CACNB4: variants seen among roughly 807,000 people sequenced by gnomAD.
The protein encoded by CACNB4 is calcium voltage-gated channel auxiliary subunit beta 4.
A neutral mutation model predicts 71.2 loss-of-function variants in CACNB4; 32 were observed. The observed-to-expected ratio is 0.45, with a 90% CI of 0.34 to 0.60. CACNB4 has a LOEUF of 0.60. Ranked by LOEUF, CACNB4 falls within the 20% of genes least tolerant of loss-of-function variation. The probability of loss-of-function intolerance (pLI) is 0.01; values close to 1 mark genes in which losing one functional copy is unlikely to be tolerated. For missense variants in CACNB4, 464 were observed against 647.9 expected (o/e 0.72, Z 3.08); for synonymous variants, 231 against 236.9 (o/e 0.97, Z 0.23).
At chr2:152,051,670 T>C (rs1685435855) in intron 2 of CACNB4, among the ~76,000 whole-genome samples, 1 of 152,222 alleles carries the variant, frequency 6.6e-6, no homozygotes, top group Admixed American at 6.5e-5. Context: ...CCAAACATGC[T>C]GGTACCAGTA....
chr2:152,046,719 AAGG>A (rs1223101204), intron 2 of CACNB4, among the ~76,000 whole-genome samples: 1 of 152,196 alleles, frequency 6.6e-6, no homozygotes, highest in Non-Finnish European at 1.5e-5. Context: ...AGCCAGGGGA[AAGG>A]AGATGAGAAT....
At chr2:151,869,452 G>A (rs2099844043) in intron 8 of CACNB4, 1 of 485,508 alleles carries the variant, frequency 2.1e-6, no homozygotes, top group African/African-American at 2.0e-5. Flanking sequence ...AGGGTGTTGA[G>A]GAATAAACCA....
rs1489168353 is a variant in CACNB4, at chr2:151,925,271, C to T, written c.148-41901G>A. ...AGCAGTAGAAGAATACAGCTATTAG[C>T]TAACACATTTTGTATTATTTGGTAG... On this transcript the variant is annotated intron_variant, in intron 2 of 13. Transcript: ENST00000539935. Among the ~76,000 whole-genome samples, 4 of 152,328 alleles carry T rather than the reference C, an allele frequency of 2.6e-5. No individual in the cohort carries two copies. In the East Asian group the frequency reaches 7.7e-4, roughly 29 times the overall value.
At chr2:152,033,482 C>A (rs1684398131) in intron 2 of CACNB4, among the ~76,000 whole-genome samples, 1 of 152,176 alleles carries the variant, frequency 6.6e-6, no homozygotes, top group African/African-American at 2.4e-5. Flanking sequence ...TGGCTTCCAG[C>A]TGCCTTTCTA....
At chr2:152,065,245 G>A (rs1320143817) in intron 2 of CACNB4, among the ~76,000 whole-genome samples, 2 of 152,146 alleles carry the variant, frequency 1.3e-5, no homozygotes, top group Non-Finnish European at 2.9e-5. Context: ...TTAGCTGGGT[G>A]TGGTGATGCA....
intron 2 of CACNB4, among the ~76,000 whole-genome samples, chr2:152,042,958 C>T (rs1275340982): frequency 2.6e-5 from 4 of 152,124 alleles, no homozygotes; most frequent in African/African-American, 4.8e-5. Flanking sequence ...TCTCACAGCT[C>T]ATTATATGCT....
rs149441540 is a variant in CACNB4, at chr2:151,870,984, G to A, written c.599-123C>T. ...TAATTATCTTCACCACCTTCCTATC[G>A]CCCACTTTGGAGAACCTGCCTTATG... On this transcript the variant is annotated intron_variant, in intron 6 of 13. Transcript: ENST00000539935. The A allele has an allele frequency of 2.9e-4, 203 of 693,166 alleles. No individual in the cohort carries two copies. In the African/African-American group the frequency reaches 3.3e-3, roughly 11 times the overall value. 42.9% of individuals were successfully genotyped at this position (693,166 alleles called of 1,614,324 possible). A position where few individuals can be genotyped will look rare whatever the true frequency, so the allele number is the denominator to read the frequency against.
At chr2:152,094,020 T>C (rs1000127848) in intron 2 of CACNB4, among the ~76,000 whole-genome samples, 3 of 152,252 alleles carry the variant, frequency 2.0e-5, no homozygotes, top group Admixed American at 2.0e-4. Flanking sequence ...CTATGCTAGA[T>C]GCTGAGGACA....
At chr2:152,010,364 C>T (rs181414387) in intron 2 of CACNB4, among the ~76,000 whole-genome samples, 187 of 152,234 alleles carry the variant, frequency 1.2e-3, no homozygotes, top group African/African-American at 4.2e-3. Context: ...ATAGAAGAGA[C>T]GGGTTTAACG....
intron 4 of CACNB4, among the ~76,000 whole-genome samples, chr2:151,878,170 T>C (rs1305922969): frequency 2.0e-5 from 3 of 151,808 alleles, no homozygotes; most frequent in East Asian, 2.0e-4. Flanking sequence ...GCTGAGCTCA[T>C]AGAAAAGCGA....
At chr2:151,923,238 C>A (rs16830450) in intron 2 of CACNB4, among the ~76,000 whole-genome samples, 18,742 of 152,216 alleles carry the variant, frequency 0.12, 2,155 homozygotes, top group African/African-American at 0.28. Context: ...GCTATTGCTT[C>A]TATTCTGAAA....
At chr2:152,061,115 C>T (rs1295264702) in intron 2 of CACNB4, among the ~76,000 whole-genome samples, 1 of 152,130 alleles carries the variant, frequency 6.6e-6, no homozygotes, top group Non-Finnish European at 1.5e-5. Context: ...TGAGACCAGC[C>T]TGGTCAACAT....
At chr2:151,942,742 C>T (rs1040199892) in intron 2 of CACNB4, among the ~76,000 whole-genome samples, 6 of 152,218 alleles carry the variant, frequency 3.9e-5, no homozygotes, top group African/African-American at 1.2e-4. Context: ...CTGTCCTATG[C>T]GGTTGAGATA....
intron 2 of CACNB4, among the ~76,000 whole-genome samples, chr2:152,033,509 C>G (rs1410902510): frequency 6.6e-6 from 1 of 152,190 alleles, no homozygotes; most frequent in Non-Finnish European, 1.5e-5. Context: ...GAAGATCCTA[C>G]CCTATCATCC....
At chr2:151,974,124 A>T (rs2151738422) in intron 2 of CACNB4, 2 of 212,972 alleles carry the variant, frequency 9.4e-6, no homozygotes, top group African/African-American at 2.3e-5. Context: ...GTTCTACAAT[A>T]AACACTTATC....
chr2:152,047,754 C>A (rs1355780562), intron 2 of CACNB4, among the ~76,000 whole-genome samples: 1 of 152,092 alleles, frequency 6.6e-6, no homozygotes, highest in Non-Finnish European at 1.5e-5. Flanking sequence ...CAAAAATTAG[C>A]TGGGCATGGT....
At chr2:152,040,592 C>A (rs1684822581) in intron 2 of CACNB4, among the ~76,000 whole-genome samples, 1 of 152,124 alleles carries the variant, frequency 6.6e-6, no homozygotes, top group Non-Finnish European at 1.5e-5. Context: ...CAGGCGCACA[C>A]CACCATGCCC....
chr2:151,960,136 A>G (rs2099869281), intron 2 of CACNB4, among the ~76,000 whole-genome samples: 1 of 152,240 alleles, frequency 6.6e-6, no homozygotes, highest in African/African-American at 2.4e-5. Flanking sequence ...CATGTATGCT[A>G]GCTTAGCTTT....
intron 2 of CACNB4, among the ~76,000 whole-genome samples, chr2:151,916,574 T>C (rs1441420434): frequency 2.0e-5 from 3 of 152,160 alleles, no homozygotes; most frequent in African/African-American, 7.2e-5. Flanking sequence ...TGATTACAAA[T>C]TGTTGAAGGG....
Sources: allele counts gnomAD v4.1 joint callset (sites outside exome capture counted in the v4.1 genomes callset), GRCh38; gene constraint gnomAD v4.1.1; transcripts MANE v1.5; gene names NCBI Gene and HGNC (gene_info 2026-07-23, HGNC 2026-07-21).